The following RAPH1 variants were observed in gnomAD, a reference collection of about 807,000 sequenced individuals.
The protein encoded by RAPH1 is ras-associated and pleckstrin homology domains-containing protein 1.
A neutral mutation model predicts 88.1 loss-of-function variants in RAPH1; 18 were observed. The ratio of observed to expected loss-of-function variants is 0.20; its 90% CI spans 0.14 to 0.30. RAPH1 has a LOEUF of 0.30. RAPH1 is among the 10% of genes least tolerant of loss of function. The pLI, the probability that RAPH1 is intolerant of heterozygous loss-of-function variation, is 1.00. For synonymous variants in RAPH1, 587 were observed against 559.0 expected (o/e 1.05, Z -0.71); for missense variants, 1,448 against 1,543.2 (o/e 0.94, Z 1.03).
At position 203,505,449 on chromosome 2, in the gene RAPH1, C is replaced by T. The variant is rs533564442; in HGVS notation, c.1-10096G>A. Among the ~76,000 whole-genome samples the T allele has an allele frequency of 7.2e-5, 11 of 152,024 alleles. No individual in the cohort carries two copies. In the South Asian group the frequency reaches 1.0e-3, roughly 14 times the overall value. On this transcript the variant is annotated intron_variant, in intron 1 of 13. Coordinates refer to ENST00000319170, the MANE Select transcript of RAPH1 (RefSeq NM_213589.3). The stretch of plus-strand genomic sequence containing the variant: ...GCCGCCATGATTAAATTACCCCCCC[C>T]GGGTCCCTCCCACAACACAGAGGAA...
Position 203,495,360 on chromosome 2 carries a change from T to A in RAPH1, c.1-7A>T. The A allele has an allele frequency of 6.2e-7, 1 of 1,613,826 alleles. No individual in the cohort carries two copies. ...CATCTGATAGCTGCTCCATCTGAAATACAGACATTTGTGTAGAATGAATAG... is the reference window on the plus strand; with the variant it reads ...CATCTGATAGCTGCTCCATCTGAAAAACAGACATTTGTGTAGAATGAATAG... On this transcript the variant is annotated splice_region_variant and splice_polypyrimidine_tract_variant and intron_variant, in intron 1 of 13. Transcript: ENST00000319170.
intron 4 of RAPH1, among the ~76,000 whole-genome samples, chr2:203,480,793 T>C (rs965791754): frequency 4.6e-5 from 7 of 152,182 alleles, no homozygotes; most frequent in Admixed American, 2.0e-4. Flanking sequence ...AAATAGTATG[T>C]TGAAAATAAG....
intron 4 of RAPH1, among the ~76,000 whole-genome samples, chr2:203,476,673 AAAG>A (rs1477820509): frequency 6.6e-6 from 1 of 152,218 alleles, no homozygotes; most frequent in Admixed American, 6.5e-5. Flanking sequence ...AAAAATGACC[AAAG>A]AATAAATTTT....
chr2:203,457,723 T>C, intron 7 of RAPH1, 128 bp from the exon 8 acceptor site: 1 of 751,618 alleles, frequency 1.3e-6, no homozygotes, highest in Non-Finnish European at 2.3e-6. Flanking sequence ...GCAACTCTGA[T>C]TTCTGTTGGT....
At chr2:203,502,701 T>C (rs1688789872) in intron 1 of RAPH1, among the ~76,000 whole-genome samples, 1 of 151,100 alleles carries the variant, frequency 6.6e-6, no homozygotes, top group Non-Finnish European at 1.5e-5. Context: ...GTGCCTGTAG[T>C]CCTAGCTACT....
intron 1 of RAPH1, among the ~76,000 whole-genome samples, chr2:203,524,232 G>A (rs748369889): frequency 6.6e-6 from 1 of 152,072 alleles, no homozygotes; most frequent in Non-Finnish European, 1.5e-5. Flanking sequence ...TTAAAGCTAC[G>A]GTTATATCAT....
At chr2:203,495,130 C>A (rs1688455291) in intron 2 of RAPH1, 104 bp downstream of exon 2, 10 of 1,259,180 alleles carry the variant, frequency 7.9e-6, no homozygotes, top group South Asian at 1.4e-5. Context: ...TCCTTTCTGG[C>A]AATACTTTAA....
At chr2:203,529,511 G>A (rs1216520313) in intron 1 of RAPH1, among the ~76,000 whole-genome samples, 3 of 151,950 alleles carry the variant, frequency 2.0e-5, no homozygotes, top group Non-Finnish European at 4.4e-5. Flanking sequence ...ACAGGCATGC[G>A]CCACCACGCC....
At chr2:203,525,441 C>T (rs1009265164) in intron 1 of RAPH1, among the ~76,000 whole-genome samples, 1 of 152,034 alleles carries the variant, frequency 6.6e-6, no homozygotes, top group Non-Finnish European at 1.5e-5. Context: ...CCTTGGCCTC[C>T]CAAAGTGCTG....
chr2:203,518,268 C>T (rs1689705671), intron 1 of RAPH1, among the ~76,000 whole-genome samples: 1 of 152,100 alleles, frequency 6.6e-6, no homozygotes, highest in African/African-American at 2.4e-5. Context: ...GTAGTCCCAG[C>T]ACTTTGAAAG....
intron 1 of RAPH1, among the ~76,000 whole-genome samples, chr2:203,507,022 AAGTAGCTGG>A (rs1689119987): frequency 6.7e-6 from 1 of 148,740 alleles, no homozygotes; most frequent in Non-Finnish European, 1.5e-5. Context: ...CCAGACTCCC[AAGTAGCTGG>A]GATTACAGGC....
chr2:203,451,962 C>G (rs1313823408), intron 10 of RAPH1, among the ~76,000 whole-genome samples: 1 of 152,154 alleles, frequency 6.6e-6, no homozygotes, highest in Non-Finnish European at 1.5e-5. Context: ...ATACAGGGAG[C>G]AATAATCCCT....
chr2:203,507,759 T>C (rs1689151588), intron 1 of RAPH1, among the ~76,000 whole-genome samples: 1 of 152,156 alleles, frequency 6.6e-6, no homozygotes, highest in South Asian at 2.1e-4. Context: ...CTGGACTGGA[T>C]CTTAGACCCA....
chr2:203,505,565 C>G (rs1688951512), intron 1 of RAPH1, among the ~76,000 whole-genome samples: 1 of 152,104 alleles, frequency 6.6e-6, no homozygotes, highest in African/African-American at 2.4e-5. Flanking sequence ...GTTCAACGCT[C>G]TACAAAGAAA....
chr2:203,474,252 C>T (rs1200516182), intron 4 of RAPH1, among the ~76,000 whole-genome samples: 1 of 152,072 alleles, frequency 6.6e-6, no homozygotes, highest in Non-Finnish European at 1.5e-5. Flanking sequence ...ATGTTAAGGA[C>T]ATTCTGGGCT....
intron 10 of RAPH1, among the ~76,000 whole-genome samples, chr2:203,453,964 T>C (rs2098517002): frequency 3.3e-5 from 5 of 152,128 alleles, no homozygotes; most frequent in Admixed American, 3.3e-4. Flanking sequence ...ATACATGGGC[T>C]ATCATGACTA....
intron 1 of RAPH1, among the ~76,000 whole-genome samples, chr2:203,514,958 TA>T (rs1186978252): frequency 1.3e-5 from 2 of 152,152 alleles, no homozygotes; most frequent in Non-Finnish European, 2.9e-5. Flanking sequence ...TAAGTAAAAC[TA>T]AAGCTTCAGA....
At position 203,444,907 on chromosome 2, in the gene RAPH1, T is replaced by C. The variant is rs139639009; in HGVS notation, c.1737A>G (p.Glu579=). The C allele has an allele frequency of 6.2e-7, 1 of 1,614,146 alleles. No individual in the cohort carries two copies. Among genetic ancestry groups the C allele is most frequent in the Non-Finnish European group, 8.5e-7 (1 of 1,180,006 alleles). ...CCAACTGAGTGCCTCGTTTCCAGGCTTCAGAGAATACGGAGCTCACAATGC... is the reference window on the plus strand; with the variant it reads ...CCAACTGAGTGCCTCGTTTCCAGGCCTCAGAGAATACGGAGCTCACAATGC... The part of the protein sequence containing the change: ...SQSIVSSVFS[E]AWKRGTQLEE... Residue 579 remains glutamate (E), a synonymous_variant, in exon 13 of 14, where the codon GAA becomes GAG. Coordinates refer to ENST00000319170, the MANE Select transcript of RAPH1 (RefSeq NM_213589.3).
chr2:203,489,659 C>A lies in RAPH1; in HGVS notation c.657G>T (p.Met219Ile), dbSNP rs1688153647. 4.3e-6 allele frequency: 7 copies of A among 1,614,020 alleles called. No homozygotes were observed. The highest frequency in any genetic ancestry group is 5.9e-6 in the Non-Finnish European group (7 of 1,179,962). The part of the protein sequence containing the change: ...HSSITSAASS[M>I]DSLDIDKVTR... ...TTACTTTATCAATATCCAAAGAGTC[C>A]ATGCTGGAGGCTGCGGAAGTGATGC... Residue 219 changes from methionine (M) to isoleucine (I), a missense_variant, in exon 4 of 14, where the codon ATG (methionine) becomes ATT (isoleucine). Physicochemically the swap from Met to Ile is conservative, Grantham distance 10. Around this residue, in one of 2 missense-constraint regions of RAPH1, gnomAD observed 513 missense variants for 653.1 expected, o/e 0.79. Coordinates refer to ENST00000319170, the MANE Select transcript of RAPH1 (RefSeq NM_213589.3).
Sources: allele counts gnomAD v4.1 joint callset (sites outside exome capture counted in the v4.1 genomes callset), GRCh38; gene constraint gnomAD v4.1.1; regional missense constraint gnomAD v4.1.1; transcripts MANE v1.5; gene names NCBI Gene and HGNC (gene_info 2026-07-23, HGNC 2026-07-21).